HEPN1: variants seen among roughly 807,000 people sequenced by gnomAD.
HEPN1 encodes the protein protein HEPN1.
For missense variants in HEPN1, 97 were observed against 103.3 expected (o/e 0.94, Z 0.26); for synonymous variants, 46 against 41.2 (o/e 1.12, Z -0.45).
At chr11:124,920,574 C>A in exon 1 of HEPN1, 2 of 1,308,808 alleles carry the variant, frequency 1.5e-6, no homozygotes, top group Non-Finnish European at 2.0e-6. Context: ...AATGATCCCC[C>A]CAGCTCAGAA....
At chr11:124,919,762 G>T in exon 1 of HEPN1, 1 of 1,613,872 alleles carries the variant, frequency 6.2e-7, no homozygotes, top group Non-Finnish European at 8.5e-7. Context: ...TGGGTAACTG[G>T]GGCCTTGGAA....
At chr11:124,920,031 C>T in exon 1 of HEPN1, 1 of 1,607,696 alleles carries the variant, frequency 6.2e-7, no homozygotes, top group Non-Finnish European at 8.5e-7. Flanking sequence ...GGGAGTCTGC[C>T]CTTTTTCTGT....
Position 124,919,828 on chromosome 11 carries a change from A to G in HEPN1, c.78A>G (p.Gln26=), listed in dbSNP as rs778652125. Residue 26 remains glutamine, a synonymous_variant, in exon 1 of 1, where the codon CAA becomes CAG. Coordinates refer to ENST00000408930, the Ensembl canonical transcript of HEPN1. Reference sequence around the variant, plus strand: ...TGGAGTTTAGGAGACTAGGGATGCAAGGACCCTTGGAGGCATTAAGGAGGA... The same window carrying G: ...TGGAGTTTAGGAGACTAGGGATGCAGGGACCCTTGGAGGCATTAAGGAGGA... 3.1e-6 allele frequency: 5 copies of G among 1,614,166 alleles called. No homozygotes were observed. In the East Asian group the frequency reaches 1.1e-4, roughly 36 times the overall value.
rs927532557 is a variant in HEPN1 at position 124,920,111 on chromosome 11, C to T, written c.*94C>T. ...GAGGCCAGGGGTTGGATCATGTTCC[C>T]CCCAAATGCTGGGAAGCAATAAGCC... On this transcript the variant is annotated 3_prime_UTR_variant, in exon 1 of 1. Coordinates refer to ENST00000408930, the Ensembl canonical transcript of HEPN1. 1.1e-5 allele frequency: 15 copies of T among 1,389,706 alleles called. No homozygotes were observed. In the African/African-American group the frequency reaches 2.0e-4, roughly 19 times the overall value. The allele number at this position is 1,389,706 out of a possible 1,614,324, so 86.1% of individuals were successfully genotyped here.
exon 1 of HEPN1, chr11:124,919,661 A>T: frequency 7.1e-7 from 1 of 1,417,406 alleles, no homozygotes; most frequent in Non-Finnish European, 9.7e-7. Context: ...GAGCTGAGAC[A>T]GGCATGCTGT....
chr11:124,919,272 T>C (rs1295304764), exon 1 of HEPN1: 1 of 157,378 alleles, frequency 6.4e-6, no homozygotes, highest in Non-Finnish European at 1.4e-5. Context: ...TTATTGAGCA[T>C]CCAGTATGTG....
Position 124,919,711 on chromosome 11 carries a change from C to T in HEPN1, c.-40C>T, listed in dbSNP as rs1221855020. On this transcript the variant is annotated 5_prime_UTR_variant, in exon 1 of 1. Transcript: ENST00000408930. ...AGGGGGCAAACTAGAAATGTCAGTG[C>T]CTTTGGGGCTGAGACAAAACTTGAC... The T allele has an allele frequency of 2.5e-6, 4 of 1,604,724 alleles. No homozygotes were observed. The South Asian group carries it at 4.5e-5, about 18-fold the overall frequency.
At chr11:124,919,986 G>A (rs775911527) in exon 1 of HEPN1, 23 of 1,613,194 alleles carry the variant, frequency 1.4e-5, no homozygotes, top group African/African-American at 5.3e-5. Flanking sequence ...GCTACACAGC[G>A]GCCCAGCCTC....
exon 1 of HEPN1, chr11:124,919,990 C>G: frequency 3.1e-6 from 5 of 1,613,274 alleles, no homozygotes; most frequent in Non-Finnish European, 4.2e-6. Context: ...CACAGCGGCC[C>G]AGCCTCTTTA....
chr11:124,920,090 C>T lies in HEPN1; in HGVS notation c.*73C>T, dbSNP rs1343187921. 2.7e-6 allele frequency: 4 copies of T among 1,509,004 alleles called. No individual in the cohort carries two copies. In the East Asian group the frequency reaches 9.1e-5, roughly 34 times the overall value. The allele number at this position is 1,509,004 out of a possible 1,614,324, so 93.5% of individuals were successfully genotyped here. ...AGCAGGGCAGATGGGTGGCAGGAGG[C>T]CAGGGGTTGGATCATGTTCCCCCCA... is the stretch of plus-strand genomic sequence containing the variant. On this transcript the variant is annotated 3_prime_UTR_variant, in exon 1 of 1. Transcript: ENST00000408930.
At chr11:124,919,903 CCTCT>C in the HEPN1 span, 1 of 1,614,104 alleles carries the variant, frequency 6.2e-7, no homozygotes, top group Non-Finnish European at 8.5e-7. Context: ...TTTTAATTGC[CCTCT>C]CTCCTCACAC....
exon 1 of HEPN1, chr11:124,919,641 G>C: frequency 5.5e-6 from 7 of 1,282,772 alleles, no homozygotes; most frequent in Middle Eastern, 2.8e-4. Flanking sequence ...GGGAAGTGCC[G>C]AGGGACAGGG....
chr11:124,919,484 G>A (rs2135392732), exon 1 of HEPN1: 1 of 512,886 alleles, frequency 1.9e-6, no homozygotes, highest in Non-Finnish European at 3.5e-6. Context: ...GCATCTCAAG[G>A]CTGACCAGCA....
exon 1 of HEPN1, chr11:124,920,549 G>C: frequency 7.3e-7 from 1 of 1,378,350 alleles, no homozygotes. Context: ...GGTGCCCAGG[G>C]AAGAAGGCCT....
At chr11:124,920,677 GC>G (rs1947117800), downstream of HEPN1, 291 of 108,100 alleles carry the variant, frequency 2.7e-3, 4 homozygotes, top group South Asian at 5.6e-3. Flanking sequence ...ATCTGAACTT[GC>G]AAAAAAAAAA....
exon 1 of HEPN1, chr11:124,919,683 C>A (rs891177140): frequency 1.9e-6 from 3 of 1,556,664 alleles, no homozygotes; most frequent in African/African-American, 2.7e-5. Context: ...GGGTTCAGGG[C>A]AGAGGGGGCA....
exon 1 of HEPN1, chr11:124,919,372 C>A: frequency 4.3e-6 from 1 of 232,154 alleles, no homozygotes; most frequent in Non-Finnish European, 8.3e-6. Flanking sequence ...CCCTCCCCAC[C>A]CCCAATTTAA....
exon 1 of HEPN1, chr11:124,920,500 G>T (rs1404830317): frequency 1.3e-6 from 2 of 1,496,506 alleles, no homozygotes; most frequent in South Asian, 1.2e-5. Context: ...GAATGTACTC[G>T]TACCCTTCCC....
exon 1 of HEPN1, chr11:124,919,634 A>C: frequency 1.7e-6 from 2 of 1,176,916 alleles, no homozygotes; most frequent in South Asian, 3.0e-5. Flanking sequence ...GAGCCTGGGG[A>C]AGTGCCGAGG....
Sources: gnomAD v4.1 joint callset for allele counts on GRCh38, gnomAD v4.1.1 for gene constraint, MANE v1.5 for transcripts, NCBI Gene and HGNC (gene_info 2026-07-23, HGNC 2026-07-21) for gene names.